Variants in COL25A1 observed in about 807,000 individuals in gnomAD.
COL25A1 encodes collagen alpha-1(XXV) chain.
A neutral mutation model predicts 128.4 loss-of-function variants in COL25A1; 103 were observed. That is an observed-to-expected ratio of 0.80 (90% CI 0.68 to 0.94). COL25A1 has a LOEUF of 0.94. Among genes scored for constraint, COL25A1 ranks in the 40% least tolerant of loss-of-function variants. The pLI, the probability that COL25A1 is intolerant of heterozygous loss-of-function variation, is 0.00. For synonymous variants in COL25A1, 279 were observed against 277.2 expected, an observed-to-expected ratio of 1.01 and a Z score of -0.06; for missense variants, 745 against 840.0, an observed-to-expected ratio of 0.89 and a Z score of 1.40.
At chr4:109,085,989 T>G (rs1047881031) in intron 3 of COL25A1, among the ~76,000 whole-genome samples, 2 of 152,200 alleles carry the variant, frequency 1.3e-5, no homozygotes, top group Non-Finnish European at 1.5e-5. Flanking sequence ...TGGAGGCTAC[T>G]AAGGAAGCCC....
intron 13 of COL25A1, among the ~76,000 whole-genome samples, chr4:108,905,863 G>A (rs140002995): frequency 0.012 from 1,839 of 150,440 alleles, 19 homozygotes; most frequent in Middle Eastern, 0.024. Context: ...GGGGGGGTGC[G>A]GGGGGAGGCG....
At chr4:108,861,510 T>C (rs1737222441) in intron 22 of COL25A1, among the ~76,000 whole-genome samples, 1 of 152,176 alleles carries the variant, frequency 6.6e-6, no homozygotes, top group African/African-American at 2.4e-5. Context: ...ATAGGCATTT[T>C]AACACTCAGT....
In COL25A1 at chr4:108,842,560, A is replaced by C. The variant is rs1052817879; in HGVS notation, c.1630-839T>G. ...GTAAAATTATAAAACTGCAGGAAAA[A>C]GTTTTTATTAAGCAATGCCTATATA... On this transcript the variant is annotated intron_variant, in intron 30 of 37. Coordinates refer to ENST00000399132, the MANE Select transcript of COL25A1 (RefSeq NM_198721.4). Among the ~76,000 whole-genome samples, 8 of 152,186 alleles carry C rather than the reference A, an allele frequency of 5.3e-5. No homozygotes were observed. The East Asian group carries it at 1.5e-3, about 29-fold the overall frequency.
chr4:108,833,710 C>G (rs549032750), intron 31 of COL25A1, among the ~76,000 whole-genome samples: 1 of 152,294 alleles, frequency 6.6e-6, no homozygotes, highest in Non-Finnish European at 1.5e-5. Context: ...TAAATTCATT[C>G]TAATGTTGCT....
chr4:109,202,835 G>A (rs1048981884), intron 3 of COL25A1, among the ~76,000 whole-genome samples: 4 of 151,968 alleles, frequency 2.6e-5, no homozygotes, highest in Non-Finnish European at 5.9e-5. Context: ...TAATACTTTT[G>A]TAGATACATA....
intron 30 of COL25A1, among the ~76,000 whole-genome samples, chr4:108,844,133 C>T (rs1460815013): frequency 6.6e-6 from 1 of 152,150 alleles, no homozygotes; most frequent in Non-Finnish European, 1.5e-5. Context: ...AAGTGATCTG[C>T]CCACCTCGGC....
chr4:109,281,791 G>T (rs578250618), intron 3 of COL25A1, among the ~76,000 whole-genome samples: 1 of 152,284 alleles, frequency 6.6e-6, no homozygotes, highest in African/African-American at 2.4e-5. Flanking sequence ...TGGTCTAAAA[G>T]ATTATACCCA....
chr4:109,219,807 A>G (rs1778290831), intron 3 of COL25A1, among the ~76,000 whole-genome samples: 1 of 152,204 alleles, frequency 6.6e-6, no homozygotes, highest in Non-Finnish European at 1.5e-5. Flanking sequence ...TGACAATATA[A>G]AATTACAAAG....
At chr4:108,916,189 GA>G (rs1353764586) in intron 13 of COL25A1, among the ~76,000 whole-genome samples, 5 of 152,164 alleles carry the variant, frequency 3.3e-5, no homozygotes, top group African/African-American at 1.2e-4. Context: ...CTGAAGGAGG[GA>G]AAACAAATTT....
chr4:109,240,032 G>A (rs756801216), intron 3 of COL25A1, among the ~76,000 whole-genome samples: 6 of 151,962 alleles, frequency 3.9e-5, no homozygotes, highest in African/African-American at 1.2e-4. Context: ...TGACACATAC[G>A]GAGCTGTCAT....
intron 3 of COL25A1, among the ~76,000 whole-genome samples, chr4:109,192,113 C>A (rs1277262016): frequency 6.6e-6 from 1 of 152,126 alleles, no homozygotes; most frequent in African/African-American, 2.4e-5. Context: ...CTGCTTGGGA[C>A]ACAGCAGTGA....
At chr4:108,992,698 A>G (rs1754339060) in intron 6 of COL25A1, among the ~76,000 whole-genome samples, 1 of 152,198 alleles carries the variant, frequency 6.6e-6, no homozygotes, top group Middle Eastern at 3.2e-3. Flanking sequence ...ACTCCAAACC[A>G]TGTGGACGCA....
At chr4:108,836,391 T>G (rs1733816690) in intron 31 of COL25A1, among the ~76,000 whole-genome samples, 2 of 152,128 alleles carry the variant, frequency 1.3e-5, no homozygotes, top group South Asian at 4.1e-4. Flanking sequence ...TTCAGTTACA[T>G]TATAACATTT....
At chr4:108,961,589 CT>C (rs1750690717) in intron 8 of COL25A1, among the ~76,000 whole-genome samples, 1 of 151,508 alleles carries the variant, frequency 6.6e-6, no homozygotes, top group Non-Finnish European at 1.5e-5. Context: ...CTGTTCTGTT[CT>C]GTTCTGTTCT....
At chr4:109,203,347 AAC>A (rs1357678895) in intron 3 of COL25A1, among the ~76,000 whole-genome samples, 1 of 152,190 alleles carries the variant, frequency 6.6e-6, no homozygotes, top group African/African-American at 2.4e-5. Context: ...ATGTCAACCA[AAC>A]AAAGACATTT....
intron 3 of COL25A1, among the ~76,000 whole-genome samples, chr4:109,125,491 C>A (rs1444590381): frequency 6.6e-6 from 1 of 152,108 alleles, no homozygotes; most frequent in Non-Finnish European, 1.5e-5. Context: ...AAAAGTGAGA[C>A]TAAAACAGGC....
chr4:109,295,175 T>C (rs1026985126), intron 3 of COL25A1, among the ~76,000 whole-genome samples: 1 of 151,606 alleles, frequency 6.6e-6, no homozygotes, highest in Admixed American at 6.6e-5. Flanking sequence ...GAGAAAAGAG[T>C]AGTTTAAGAA....
chr4:108,886,492 G>GTGTGTGTGTGTGTGTGTGTTTT (rs58157157), intron 18 of COL25A1, among the ~76,000 whole-genome samples: 2 of 109,248 alleles, frequency 1.8e-5, no homozygotes, highest in Admixed American at 9.0e-5. Flanking sequence ...GTGTGTGTGT[G>GTGTGTGTGTGTGTGTGTGTTTT]TTTAGCTCAT....
At chr4:108,873,559 T>TAGTAGTAGC (rs1210453791) in intron 19 of COL25A1, among the ~76,000 whole-genome samples, 69 of 106,306 alleles carry the variant, frequency 6.5e-4, no homozygotes, top group African/African-American at 2.0e-3. Flanking sequence ...GTAGTAGTAG[T>TAGTAGTAGC]AGCAGCAGTA....
Sources: gnomAD v4.1 joint callset for allele counts (sites outside exome capture counted in the v4.1 genomes callset) on GRCh38, gnomAD v4.1.1 for gene constraint, MANE v1.5 for transcripts, NCBI Gene and HGNC (gene_info 2026-07-23, HGNC 2026-07-21) for gene names.